Variants in CAMK2D observed in about 807,000 individuals in gnomAD.
CAMK2D encodes the protein calcium/calmodulin dependent protein kinase II delta, also known as calcium/calmodulin-dependent protein kinase type II subunit delta.
In CAMK2D, 37 loss-of-function variants were observed where a neutral mutation model predicts 84.0. The observed-to-expected ratio is 0.44, with a 90% CI of 0.34 to 0.58. The LOEUF is 0.58. Among genes scored for constraint, CAMK2D ranks in the 20% least tolerant of loss-of-function variants. CAMK2D has a pLI of 0.02. For missense variants in CAMK2D, 448 were observed against 652.5 expected (o/e 0.69, Z 3.41); for synonymous variants, 202 against 212.5 (o/e 0.95, Z 0.43).
At chr4:113,638,017 A>G (rs2099116827) in intron 3 of CAMK2D, among the ~76,000 whole-genome samples, 1 of 152,182 alleles carries the variant, frequency 6.6e-6, no homozygotes, top group African/African-American at 2.4e-5. Flanking sequence ...CAAATATGGT[A>G]TTACACATCC....
At position 113,490,983 on chromosome 4, in the gene CAMK2D, C is replaced by T. The variant is rs1160273446; in HGVS notation, c.1135+9480G>A. Among the ~76,000 whole-genome samples, 10 of 79,704 alleles carry T rather than the reference C, an allele frequency of 1.3e-4. 1 individual carries two copies. The highest frequency in any genetic ancestry group is 2.5e-4 in the Non-Finnish European group (10 of 40,114). 52.3% of individuals were successfully genotyped at this position (79,704 alleles called of 152,430 possible). A position where few individuals can be genotyped will look rare whatever the true frequency, so the allele number is the denominator to read the frequency against. On this transcript the variant is annotated intron_variant, in intron 16 of 20. Coordinates refer to ENST00000511664, the MANE Select transcript of CAMK2D (RefSeq NM_001321571.2). ...TATAAGAATGCTTGTGATTTTTGTA[C>T]ATTGATTTTGTATCCTGAGACTTTG... is the stretch of plus-strand genomic sequence containing the variant.
chr4:113,578,911 T>A (rs1419963587), intron 4 of CAMK2D, among the ~76,000 whole-genome samples: 1 of 152,188 alleles, frequency 6.6e-6, no homozygotes, highest in Non-Finnish European at 1.5e-5. Context: ...ATCAAATTCT[T>A]CCATAAAACT....
chr4:113,642,245 A>T (rs917934747), intron 3 of CAMK2D, among the ~76,000 whole-genome samples: 1 of 152,216 alleles, frequency 6.6e-6, no homozygotes, highest in Non-Finnish European at 1.5e-5. Context: ...CAAAAACAGG[A>T]AACAAGATTA....
chr4:113,579,706 G>A (rs1180485011), intron 4 of CAMK2D, among the ~76,000 whole-genome samples: 1 of 152,126 alleles, frequency 6.6e-6, no homozygotes, highest in Non-Finnish European at 1.5e-5. Flanking sequence ...ACAAAACTAT[G>A]AGCCAAAATA....
chr4:113,666,949 T>G (rs1051966259), intron 2 of CAMK2D, among the ~76,000 whole-genome samples: 11 of 152,204 alleles, frequency 7.2e-5, no homozygotes, highest in African/African-American at 2.4e-4. Flanking sequence ...AGATCTGTTT[T>G]TGAGGGCAGG....
At position 113,761,221 on chromosome 4, in the gene CAMK2D, A is replaced by C. The variant is rs545705023; in HGVS notation, c.-153T>G. On this transcript the variant is annotated 5_prime_UTR_variant, in exon 1 of 21. Coordinates refer to ENST00000511664, the MANE Select transcript of CAMK2D (RefSeq NM_001321571.2). ...AGCTCGCCCGCGAGGGAGTGTGCGC[A>C]GGGGCGGGGCGGGAGGGGAGATGAC... 1.9e-5 allele frequency: 22 copies of C among 1,128,278 alleles called. No individual in the cohort carries two copies. Among genetic ancestry groups the C allele is most frequent in the African/African-American group, 1.9e-4 (12 of 62,512 alleles). The allele number at this position is 1,128,278 out of a possible 1,614,324, so 69.9% of individuals were successfully genotyped here.
intron 2 of CAMK2D, among the ~76,000 whole-genome samples, chr4:113,664,749 A>G (rs1198980091): frequency 6.6e-6 from 1 of 152,030 alleles, no homozygotes; most frequent in Admixed American, 6.6e-5. Context: ...GTACAAGGGC[A>G]TGAACAACAG....
chr4:113,743,218 C>T (rs576947602), intron 2 of CAMK2D, among the ~76,000 whole-genome samples: 68 of 152,312 alleles, frequency 4.5e-4, no homozygotes, highest in African/African-American at 1.4e-3. Flanking sequence ...AAGGATTTTG[C>T]TATTAGCTAG....
intron 2 of CAMK2D, among the ~76,000 whole-genome samples, chr4:113,697,212 A>T (rs1165890285): frequency 6.6e-6 from 1 of 152,124 alleles, no homozygotes; most frequent in African/African-American, 2.4e-5. Context: ...GACAAAAAAG[A>T]ATGTGTTTAT....
intron 2 of CAMK2D, among the ~76,000 whole-genome samples, chr4:113,668,195 G>A (rs796696233): frequency 6.6e-5 from 10 of 151,964 alleles, no homozygotes; most frequent in Non-Finnish European, 1.5e-4. Flanking sequence ...TTTCATCTAC[G>A]GAGGAAAATG....
chr4:113,559,933 G>A (rs2098690306), intron 4 of CAMK2D, among the ~76,000 whole-genome samples: 2 of 152,182 alleles, frequency 1.3e-5, no homozygotes, highest in South Asian at 4.1e-4. Flanking sequence ...CCACTGATTT[G>A]TTGATACGCC....
At chr4:113,559,256 T>A (rs7663309) in intron 4 of CAMK2D, among the ~76,000 whole-genome samples, 38,313 of 152,124 alleles carry the variant, frequency 0.25, 5,618 homozygotes, top group Middle Eastern at 0.35. Flanking sequence ...ACTATTGGAA[T>A]TCGGTAAGCC....
At chr4:113,512,500 T>C (rs17046135) in intron 12 of CAMK2D, among the ~76,000 whole-genome samples, 2,354 of 152,326 alleles carry the variant, frequency 0.015, 71 homozygotes, top group African/African-American at 0.054. Context: ...ATCACTTTTA[T>C]AGTACACCAA....
chr4:113,547,639 C>T lies in CAMK2D; in HGVS notation c.414+5G>A. 6.5e-7 allele frequency: 1 copy of T among 1,549,312 alleles called. No individual in the cohort carries two copies. Among genetic ancestry groups the T allele is most frequent in the South Asian group, 1.2e-5 (1 of 85,140 alleles). On this transcript the variant is annotated splice_donor_5th_base_variant and intron_variant, in intron 6 of 20. Coordinates refer to ENST00000511664, the MANE Select transcript of CAMK2D (RefSeq NM_001321571.2). ...TGGTTTATCTTCTTCAACCGCATTA[C>T]TCACCTTCAGGTCCCGATGGACCAC...
intron 4 of CAMK2D, among the ~76,000 whole-genome samples, chr4:113,593,450 T>C (rs1489718982): frequency 6.6e-6 from 1 of 152,162 alleles, no homozygotes; most frequent in Non-Finnish European, 1.5e-5. Flanking sequence ...TTTTAACTGA[T>C]GAATTGCTGA....
chr4:113,638,833 G>A (rs1487729560), intron 3 of CAMK2D, among the ~76,000 whole-genome samples: 3 of 152,042 alleles, frequency 2.0e-5, no homozygotes, highest in Non-Finnish European at 2.9e-5. Flanking sequence ...GTGGTAAGGT[G>A]GAATTTCTCA....
At chr4:113,634,331 T>C (rs998252949) in intron 3 of CAMK2D, among the ~76,000 whole-genome samples, 1 of 152,188 alleles carries the variant, frequency 6.6e-6, no homozygotes, top group Non-Finnish European at 1.5e-5. Context: ...AGGTATCGAC[T>C]TTATGGAGAG....
chr4:113,496,822 A>G (rs1450632257), intron 16 of CAMK2D, among the ~76,000 whole-genome samples: 1 of 152,150 alleles, frequency 6.6e-6, no homozygotes, highest in Admixed American at 6.5e-5. Context: ...ACATAGCATC[A>G]TCAGAGATAA....
chr4:113,604,424 T>C (rs2098969038), intron 4 of CAMK2D, among the ~76,000 whole-genome samples: 1 of 152,182 alleles, frequency 6.6e-6, no homozygotes, highest in East Asian at 1.9e-4. Flanking sequence ...TTAACCATTG[T>C]TTTTCAATTT....
Sources: allele counts gnomAD v4.1 joint callset (sites outside exome capture counted in the v4.1 genomes callset), GRCh38; gene constraint gnomAD v4.1.1; transcripts MANE v1.5; gene names NCBI Gene and HGNC (gene_info 2026-07-23, HGNC 2026-07-21).